Variants in FMN1 observed in about 807,000 individuals in gnomAD.
FMN1 encodes the protein formin 1, also known as formin-1.
In FMN1, 110 loss-of-function variants were observed where a neutral mutation model predicts 132.4. The ratio of observed to expected loss-of-function variants is 0.83; its 90% CI spans 0.71 to 0.97. The LOEUF (loss-of-function observed/expected upper bound fraction) is 0.97. FMN1 is among the 50% of genes least tolerant of loss of function. FMN1 has a pLI of 0.00. For synonymous variants in FMN1, 722 were observed against 651.7 expected, an observed-to-expected ratio of 1.11 and a Z score of -1.64; for missense variants, 1,792 against 1,705.3, an observed-to-expected ratio of 1.05 and a Z score of -0.90.
At chr15:32,938,384 G>A (rs941595699) in intron 9 of FMN1, among the ~76,000 whole-genome samples, 4 of 152,108 alleles carry the variant, frequency 2.6e-5, no homozygotes, top group South Asian at 4.2e-4. Flanking sequence ...CAAAAATTAG[G>A]TGGGTGTGGT....
chr15:32,888,321 T>G, intron 15 of FMN1, 29 bp from the exon 16 acceptor site: 1 of 1,552,204 alleles, frequency 6.4e-7, no homozygotes, highest in Non-Finnish European at 8.7e-7. Flanking sequence ...AAAAGTACAT[T>G]ATACTTCCCA....
chr15:32,880,613 T>A (rs2059747308), intron 16 of FMN1, among the ~76,000 whole-genome samples: 2 of 152,206 alleles, frequency 1.3e-5, no homozygotes, highest in Non-Finnish European at 2.9e-5. Context: ...ATCCTGAAGA[T>A]AACTGTATGG....
At chr15:32,873,774 C>G (rs911172792) in intron 16 of FMN1, among the ~76,000 whole-genome samples, 1 of 152,018 alleles carries the variant, frequency 6.6e-6, no homozygotes, top group African/African-American at 2.4e-5. Context: ...ACATCTTCAG[C>G]CCTGATGTTA....
At chr15:32,993,778 G>A (rs575253896) in intron 7 of FMN1, among the ~76,000 whole-genome samples, 80 of 152,042 alleles carry the variant, frequency 5.3e-4, no homozygotes, top group Non-Finnish European at 9.1e-4. Context: ...GTCAGAGAGC[G>A]TAAATTCTCT....
chr15:32,918,996 A>G (rs1006187034), intron 10 of FMN1, among the ~76,000 whole-genome samples: 5 of 152,206 alleles, frequency 3.3e-5, no homozygotes, highest in African/African-American at 1.2e-4. Flanking sequence ...TTTATCTAAC[A>G]TTTTAAAAAA....
At chr15:32,817,809 C>T (rs572040845) in intron 17 of FMN1, among the ~76,000 whole-genome samples, 1 of 152,328 alleles carries the variant, frequency 6.6e-6, no homozygotes, top group South Asian at 2.1e-4. Flanking sequence ...CCTCCAGAGT[C>T]ACCTTTCAAT....
At chr15:33,074,815 A>G (rs535155616) in intron 5 of FMN1, among the ~76,000 whole-genome samples, 6 of 152,102 alleles carry the variant, frequency 3.9e-5, no homozygotes, top group African/African-American at 9.6e-5. Context: ...CAAGAGTTCA[A>G]GACCAGCCTG....
intron 4 of FMN1, among the ~76,000 whole-genome samples, chr15:33,135,544 A>T (rs1963728200): frequency 6.6e-6 from 1 of 152,172 alleles, no homozygotes; most frequent in Admixed American, 6.5e-5. Context: ...GCTTGACACA[A>T]GTATGCACTG....
At chr15:33,077,352 T>C (rs1280102179) in intron 5 of FMN1, among the ~76,000 whole-genome samples, 2 of 105,478 alleles carry the variant, frequency 1.9e-5, no homozygotes, top group Admixed American at 2.4e-4. Context: ...TTTTTTTTTT[T>C]TAATATATAT....
chr15:32,960,540 C>T (rs1454657590), intron 9 of FMN1, among the ~76,000 whole-genome samples: 1 of 152,144 alleles, frequency 6.6e-6, no homozygotes, highest in African/African-American at 2.4e-5. Flanking sequence ...ACATTTTGAT[C>T]ATGATTTTTA....
At chr15:32,840,299 G>A (rs1032559570) in intron 17 of FMN1, among the ~76,000 whole-genome samples, 2 of 152,176 alleles carry the variant, frequency 1.3e-5, no homozygotes, top group Non-Finnish European at 2.9e-5. Context: ...TTTTTCTGGA[G>A]AGGAGTGAGG....
chr15:33,069,179 G>A (rs2037887326), intron 5 of FMN1, among the ~76,000 whole-genome samples: 1 of 152,200 alleles, frequency 6.6e-6, no homozygotes, highest in African/African-American at 2.4e-5. Context: ...CCAAACATCA[G>A]CCCAGTGTAG....
At chr15:32,981,584 G>A (rs539380133) in intron 7 of FMN1, among the ~76,000 whole-genome samples, 2 of 149,148 alleles carry the variant, frequency 1.3e-5, no homozygotes, top group South Asian at 4.2e-4. Flanking sequence ...GCTAACATAA[G>A]ACTCAACAGC....
At chr15:33,077,539 G>T (rs7164903) in intron 5 of FMN1, among the ~76,000 whole-genome samples, 1 of 151,270 alleles carries the variant, frequency 6.6e-6, no homozygotes, top group Non-Finnish European at 1.5e-5. Context: ...AACAGGCCCC[G>T]GTGTGTGATG....
intron 17 of FMN1, among the ~76,000 whole-genome samples, chr15:32,843,739 G>C (rs1441508962): frequency 1.3e-5 from 2 of 152,192 alleles, no homozygotes; most frequent in African/African-American, 2.4e-5. Context: ...TGGATGCTAA[G>C]ATGAAAGGGG....
At chr15:32,813,127 G>A (rs984793438) in intron 17 of FMN1, among the ~76,000 whole-genome samples, 1 of 152,146 alleles carries the variant, frequency 6.6e-6, no homozygotes, top group Non-Finnish European at 1.5e-5. Flanking sequence ...ATCTAGAGAT[G>A]ATTTAAAGAA....
Position 33,153,207 on chromosome 15 carries a change from T to C in FMN1, c.1708A>G (p.Thr570Ala). The C allele has an allele frequency of 6.5e-7, 1 of 1,535,996 alleles. No individual in the cohort carries two copies. The highest frequency in any genetic ancestry group is 8.7e-7 in the Non-Finnish European group (1 of 1,146,892). ...RVFSGCVSAD[T>A]LEPPSSAKVT... The stretch of plus-strand genomic sequence containing the variant: ...TTTGCAGAGGATGGTGGCTCCAAGG[T>C]GTCAGCAGAGACGCACCCAGAGAAG... The change falls in exon 4 of 21, where the codon ACC becomes GCC. Residue 570 changes from threonine to alanine, a missense_variant. This residue lies in a region of FMN1 where 1,150 missense variants were observed against 1,043.1 expected (regional missense o/e 1.10). Coordinates refer to ENST00000616417, the MANE Select transcript of FMN1 (RefSeq NM_001277313.2).
chr15:32,789,603 T>G (rs2056999472), intron 19 of FMN1, among the ~76,000 whole-genome samples: 1 of 152,160 alleles, frequency 6.6e-6, no homozygotes, highest in Non-Finnish European at 1.5e-5. Flanking sequence ...ACTACTTTAT[T>G]ATAAAAATAA....
At chr15:32,858,643 C>T (rs1453069359) in intron 16 of FMN1, among the ~76,000 whole-genome samples, 1 of 152,196 alleles carries the variant, frequency 6.6e-6, no homozygotes, top group African/African-American at 2.4e-5. Context: ...TCTAGGAAAT[C>T]CTGTCCGTTG....
Sources: gnomAD v4.1 joint callset for allele counts (sites outside exome capture counted in the v4.1 genomes callset) on GRCh38, gnomAD v4.1.1 for gene constraint, gnomAD v4.1.1 regional missense constraint, MANE v1.5 for transcripts, NCBI Gene and HGNC (gene_info 2026-07-23, HGNC 2026-07-21) for gene names.